SOX5: variants seen among roughly 807,000 people sequenced by gnomAD.
The protein encoded by SOX5 is SRY-box transcription factor 5.
In SOX5, 9 loss-of-function variants were observed where a neutral mutation model predicts 92.0. That is an observed-to-expected ratio of 0.10 (90% confidence interval 0.06 to 0.17). SOX5 has a LOEUF of 0.17. Among genes scored for constraint, SOX5 ranks in the 10% least tolerant of loss-of-function variants. The pLI, the probability that SOX5 is intolerant of heterozygous loss-of-function variation, is 1.00. For synonymous variants in SOX5, 344 were observed against 336.3 expected (o/e 1.02, Z -0.25); for missense variants, 642 against 944.5 (o/e 0.68, Z 4.20).
chr12:24,418,101 CT>C (rs1239380743), intron 1 of SOX5, among the ~76,000 whole-genome samples: 1 of 151,052 alleles, frequency 6.6e-6, no homozygotes, highest in Admixed American at 6.6e-5. Flanking sequence ...TTTTTCTTTC[CT>C]TTTTCTTACT....
At chr12:23,621,622 T>G (rs1000231784) in intron 8 of SOX5, among the ~76,000 whole-genome samples, 20 of 152,092 alleles carry the variant, frequency 1.3e-4, no homozygotes, top group Non-Finnish European at 2.9e-4. Context: ...GGAAGAAATA[T>G]TGTGATTTCA....
intron 10 of SOX5, among the ~76,000 whole-genome samples, chr12:23,572,291 C>T (rs1948489996): frequency 6.6e-6 from 1 of 152,166 alleles, no homozygotes; most frequent in Non-Finnish European, 1.5e-5. Context: ...TCAGGAGTGA[C>T]CTTTACAACA....
intron 4 of SOX5, among the ~76,000 whole-genome samples, chr12:24,139,580 A>C (rs1358271397): frequency 2.0e-5 from 3 of 152,212 alleles, no homozygotes; most frequent in Non-Finnish European, 4.4e-5. Flanking sequence ...TAGCCCACAA[A>C]AATAGTTTTT....
chr12:23,767,063 C>T (rs980022422), intron 3 of SOX5, among the ~76,000 whole-genome samples: 2 of 151,870 alleles, frequency 1.3e-5, no homozygotes, highest in African/African-American at 2.4e-5. Context: ...CAAAACTAGC[C>T]GGGCATGGTT....
intron 4 of SOX5, among the ~76,000 whole-genome samples, chr12:24,178,392 GAA>G (rs1955077579): frequency 6.6e-6 from 1 of 152,090 alleles, no homozygotes; most frequent in South Asian, 2.1e-4. Flanking sequence ...GAGGCCTAGA[GAA>G]GTCATTCAAA....
At chr12:23,766,526 C>T (rs1318051328) in intron 3 of SOX5, among the ~76,000 whole-genome samples, 1 of 151,966 alleles carries the variant, frequency 6.6e-6, no homozygotes, top group Non-Finnish European at 1.5e-5. Context: ...AAGGTAATTC[C>T]TTGATGAAAA....
intron 3 of SOX5, among the ~76,000 whole-genome samples, chr12:23,826,264 AT>A (rs1188900365): frequency 6.7e-6 from 1 of 148,664 alleles, no homozygotes; most frequent in East Asian, 2.0e-4. Flanking sequence ...TATGAGTGAG[AT>A]CATGTGGTGT....
intron 7 of SOX5, among the ~76,000 whole-genome samples, chr12:23,650,650 T>C (rs2054470): frequency 0.73 from 110,738 of 151,572 alleles, 41,270 homozygotes; most frequent in African/African-American, 0.89. Flanking sequence ...ATAGGGCTAA[T>C]AAGAACAACT....
At chr12:24,526,631 C>T (rs1863196638) in intron 1 of SOX5, among the ~76,000 whole-genome samples, 1 of 151,978 alleles carries the variant, frequency 6.6e-6, no homozygotes, top group Admixed American at 6.6e-5. Flanking sequence ...AGAGTGGGCT[C>T]CCCCAACCAC....
chr12:24,216,747 G>A (rs770976935), intron 3 of SOX5, among the ~76,000 whole-genome samples: 1 of 152,120 alleles, frequency 6.6e-6, no homozygotes, highest in Non-Finnish European at 1.5e-5. Context: ...GGCCAACATG[G>A]CAAAACCCCA....
chr12:24,352,834 C>T (rs11615580), intron 2 of SOX5, among the ~76,000 whole-genome samples: 123 of 152,302 alleles, frequency 8.1e-4, no homozygotes, highest in Non-Finnish European at 1.4e-3. Flanking sequence ...CCTAGAATTG[C>T]ACACTCCAGT....
chr12:24,200,856 T>A (rs1437238892), intron 4 of SOX5, among the ~76,000 whole-genome samples: 1 of 152,160 alleles, frequency 6.6e-6, no homozygotes, highest in Non-Finnish European at 1.5e-5. Flanking sequence ...TCTCAAACAA[T>A]CCACAGAATT....
intron 4 of SOX5, among the ~76,000 whole-genome samples, chr12:24,111,857 T>C (rs879080413): frequency 2.0e-5 from 3 of 152,318 alleles, no homozygotes; most frequent in Admixed American, 2.0e-4. Context: ...GACCTTTAAT[T>C]ATTTTAGGTT....
chr12:24,033,038 G>T (rs1192507070), intron 4 of SOX5, among the ~76,000 whole-genome samples: 1 of 151,876 alleles, frequency 6.6e-6, no homozygotes, highest in Non-Finnish European at 1.5e-5. Flanking sequence ...GCACGTTTGT[G>T]AGGAGGTCTA....
chr12:24,114,382 G>A (rs920696071), intron 4 of SOX5, among the ~76,000 whole-genome samples: 3 of 151,792 alleles, frequency 2.0e-5, no homozygotes, highest in African/African-American at 7.3e-5. Context: ...TTTCAGACCA[G>A]CCTGGACAAC....
intron 1 of SOX5, among the ~76,000 whole-genome samples, chr12:24,556,582 T>C (rs1469947477): frequency 6.6e-6 from 1 of 152,208 alleles, no homozygotes; most frequent in African/African-American, 2.4e-5. Context: ...TGAATGACTA[T>C]CAAACGATTA....
intron 4 of SOX5, among the ~76,000 whole-genome samples, chr12:24,128,195 G>C (rs747385550): frequency 1.3e-5 from 2 of 152,078 alleles, no homozygotes; most frequent in Non-Finnish European, 2.9e-5. Context: ...CATACACAAG[G>C]ATATTTAAAA....
At chr12:23,986,342 G>A (rs1272508223) in intron 4 of SOX5, among the ~76,000 whole-genome samples, 1 of 151,666 alleles carries the variant, frequency 6.6e-6, no homozygotes, top group African/African-American at 2.4e-5. Context: ...AAGTTTGCAG[G>A]GAAACAAACA....
At chr12:24,289,898 A>G (rs1001446046) in intron 2 of SOX5, among the ~76,000 whole-genome samples, 13 of 152,212 alleles carry the variant, frequency 8.5e-5, no homozygotes, top group African/African-American at 2.7e-4. Flanking sequence ...GCATTATAAA[A>G]GCCTGGGGTT....
Sources: allele counts gnomAD v4.1 joint callset (sites outside exome capture counted in the v4.1 genomes callset), GRCh38; gene constraint gnomAD v4.1.1; transcripts MANE v1.5; gene names NCBI Gene and HGNC (gene_info 2026-07-23, HGNC 2026-07-21).